The following PPCDC variants were observed in gnomAD, a reference collection of about 807,000 sequenced individuals.
The protein encoded by PPCDC is phosphopantothenoylcysteine decarboxylase.
In PPCDC, 20 loss-of-function variants were observed where a neutral mutation model predicts 20.7. The ratio of observed to expected loss-of-function variants is 0.97; its 90% CI spans 0.68 to 1.41. The LOEUF (loss-of-function observed/expected upper bound fraction) is 1.41, where lower values mean the gene tolerates loss of function less well. Among genes scored for constraint, PPCDC ranks in the 40% most tolerant of loss-of-function variants. The pLI is 0.00. For synonymous variants in PPCDC, 88 were observed against 100.3 expected (o/e 0.88, Z 0.73); for missense variants, 246 against 263.8 (o/e 0.93, Z 0.47).
At chr15:75,044,238 T>G in intron 3 of PPCDC, 148 bp from the exon 4 acceptor site, 1 of 1,137,652 alleles carries the variant, frequency 8.8e-7, no homozygotes, top group Non-Finnish European at 1.3e-6. Flanking sequence ...TGGCTAGCGC[T>G]CGCCAGCTTA....
chr15:75,041,043 C>A (rs2066147008), intron 2 of PPCDC, among the ~76,000 whole-genome samples: 1 of 150,488 alleles, frequency 6.6e-6, no homozygotes, highest in Non-Finnish European at 1.5e-5. Flanking sequence ...GATTGAATTT[C>A]CTTCTGTGGG....
At chr15:75,038,780 C>T (rs1019492245) in intron 2 of PPCDC, among the ~76,000 whole-genome samples, 3 of 151,900 alleles carry the variant, frequency 2.0e-5, no homozygotes, top group Non-Finnish European at 1.5e-5. Flanking sequence ...TTTCTGTTCT[C>T]TCTGGAACTC....
chr15:75,044,144 GA>G (rs995394531), intron 3 of PPCDC, among the ~76,000 whole-genome samples: 5 of 144,938 alleles, frequency 3.4e-5, no homozygotes, highest in Non-Finnish European at 6.0e-5. Context: ...CAGTTCTCTT[GA>G]AAGCCAAACC....
chr15:75,044,338 C>T, intron 3 of PPCDC, 48 bp from the exon 4 acceptor site: 2 of 1,605,570 alleles, frequency 1.2e-6, no homozygotes, highest in Non-Finnish European at 8.5e-7. Flanking sequence ...TGCCTTGGCG[C>T]TGCATCCTGC....
intron 2 of PPCDC, among the ~76,000 whole-genome samples, chr15:75,031,019 C>A (rs536104724): frequency 6.6e-6 from 1 of 152,236 alleles, no homozygotes; most frequent in South Asian, 2.1e-4. Context: ...AGGTGGGCAA[C>A]CGTGTCACAA....
intron 2 of PPCDC, among the ~76,000 whole-genome samples, chr15:75,035,799 T>C (rs571037263): frequency 3.9e-5 from 6 of 152,172 alleles, no homozygotes; most frequent in African/African-American, 1.4e-4. Context: ...AAACACTCTT[T>C]CTACTAGAAA....
intron 5 of PPCDC, 106 bp downstream of exon 5, chr15:75,048,827 C>T: frequency 1.5e-6 from 2 of 1,365,158 alleles, no homozygotes; most frequent in East Asian, 2.4e-5. Context: ...GCAAACCATT[C>T]TCTGAGCTTA....
At chr15:75,036,912 C>G (rs1221035066) in intron 2 of PPCDC, among the ~76,000 whole-genome samples, 3 of 152,060 alleles carry the variant, frequency 2.0e-5, no homozygotes, top group African/African-American at 7.2e-5. Context: ...CTCAAGCAAT[C>G]CGCCCGTCTC....
intron 2 of PPCDC, among the ~76,000 whole-genome samples, chr15:75,041,224 G>GT (rs2066149336): frequency 6.6e-6 from 1 of 152,198 alleles, no homozygotes; most frequent in African/African-American, 2.4e-5. Flanking sequence ...CCAGGACTGG[G>GT]TTCCGGGGAG....
chr15:75,029,773 A>G (rs1293872488), intron 2 of PPCDC, among the ~76,000 whole-genome samples: 2 of 152,154 alleles, frequency 1.3e-5, no homozygotes, highest in Non-Finnish European at 2.9e-5. Flanking sequence ...TGAGGGTGGG[A>G]GGCCTCTGCC....
At chr15:75,028,673 A>T (rs969962835) in intron 2 of PPCDC, among the ~76,000 whole-genome samples, 4 of 152,178 alleles carry the variant, frequency 2.6e-5, no homozygotes, top group Non-Finnish European at 5.9e-5. Context: ...CAGACAGGGC[A>T]TGAGGGGAGA....
At chr15:75,044,773 C>G in intron 4 of PPCDC, 1 of 424,992 alleles carries the variant, frequency 2.4e-6, no homozygotes, top group Non-Finnish European at 4.3e-6. Context: ...TTGCACCCAG[C>G]CAGGTGCCCA....
chr15:75,031,925 G>T (rs1351345104), intron 2 of PPCDC, among the ~76,000 whole-genome samples: 3 of 152,076 alleles, frequency 2.0e-5, no homozygotes, highest in Non-Finnish European at 2.9e-5. Context: ...GGTCTTGTTA[G>T]GCAGATAAAA....
chr15:75,039,494 G>A (rs139830151), intron 2 of PPCDC, among the ~76,000 whole-genome samples: 2 of 152,298 alleles, frequency 1.3e-5, no homozygotes, highest in Non-Finnish European at 2.9e-5. Context: ...GGGGACTTTA[G>A]CTGTTCCTTC....
chr15:75,025,020 C>T (rs1467188298), intron 1 of PPCDC, among the ~76,000 whole-genome samples: 9 of 151,660 alleles, frequency 5.9e-5, no homozygotes, highest in African/African-American at 1.2e-4. Flanking sequence ...TAGGCTCAAG[C>T]GATCCTCCTG....
chr15:75,036,840 TA>T (rs1016765252), intron 2 of PPCDC, among the ~76,000 whole-genome samples: 9 of 151,612 alleles, frequency 5.9e-5, no homozygotes, highest in Non-Finnish European at 8.8e-5. Context: ...ATTGATTGAT[TA>T]TTTTTTTTTT....
At position 75,029,963 on chromosome 15, in the gene PPCDC, G is replaced by A. The variant is rs1347414454; in HGVS notation, c.135+1510G>A. Among the ~76,000 whole-genome samples the A allele has an allele frequency of 8.5e-5, 13 of 152,300 alleles. No individual in the cohort carries two copies. The South Asian group carries it at 2.5e-3, about 29-fold the overall frequency. Reference sequence around the variant, plus strand: ...CTTCCTCCCATCCCACGCAGCCAGCGTTTGGTGGGAGGGGGGTTGTGAGGA... The same window carrying A: ...CTTCCTCCCATCCCACGCAGCCAGCATTTGGTGGGAGGGGGGTTGTGAGGA... On this transcript the variant is annotated intron_variant, in intron 2 of 5. Coordinates refer to ENST00000342932, the MANE Select transcript of PPCDC (RefSeq NM_021823.5).
intron 1 of PPCDC, among the ~76,000 whole-genome samples, chr15:75,026,295 A>G (rs2065959287): frequency 6.6e-6 from 1 of 152,200 alleles, no homozygotes; most frequent in Non-Finnish European, 1.5e-5. Context: ...ATCACCTACC[A>G]ATGATGTGTT....
intron 2 of PPCDC, 132 bp from the exon 3 acceptor site, chr15:75,043,309 A>ACT (rs890692037): frequency 1.5e-6 from 1 of 680,550 alleles, no homozygotes; most frequent in Non-Finnish European, 2.5e-6. Flanking sequence ...GCAGCTAAGG[A>ACT]GGGAAGTCCT....
Sources: gnomAD v4.1 joint callset for allele counts (sites outside exome capture counted in the v4.1 genomes callset) on GRCh38, gnomAD v4.1.1 for gene constraint, MANE v1.5 for transcripts, NCBI Gene and HGNC (gene_info 2026-07-23, HGNC 2026-07-21) for gene names.